CCDC146: variants seen among roughly 807,000 people sequenced by gnomAD.
CCDC146 encodes coiled-coil domain-containing protein 146.
CCDC146 carries 92 observed loss-of-function variants against 119.3 expected under a neutral mutation model. The ratio of observed to expected loss-of-function variants is 0.77; its 90% CI spans 0.65 to 0.92. The LOEUF is 0.92. Ranked by LOEUF, CCDC146 falls within the 40% of genes least tolerant of loss-of-function variation. CCDC146 has a pLI of 0.00. For missense variants in CCDC146, 1,000 were observed against 1,103.0 expected, an observed-to-expected ratio of 0.91 and a Z score of 1.32; for synonymous variants, 372 against 371.8, an observed-to-expected ratio of 1.00 and a Z score of -0.01.
chr7:77,256,423 C>G lies in CCDC146; in HGVS notation c.598C>G (p.Arg200Gly). The change falls in exon 6 of 19, where the codon CGA becomes GGA. Residue 200 changes from arginine (R) to glycine (G), a missense_variant. By Grantham distance (125) the Arg-to-Gly change is moderately radical (BLOSUM62 -2). Around this residue, in one of 2 missense-constraint regions of CCDC146, gnomAD observed 985 missense variants for 1,045.3 expected, o/e 0.94. Transcript: ENST00000285871. Reference sequence around the variant, plus strand: ...GAAGAAATTAGAAATTAAAAATTTACGAGAAGATTTGGCATCTAAACAAAA... The same window carrying G: ...GAAGAAATTAGAAATTAAAAATTTAGGAGAAGATTTGGCATCTAAACAAAA... ...MQKKLEIKNL[R>G]EDLASKQKQL... 6.2e-7 allele frequency: 1 copy of G among 1,607,090 alleles called. No individual in the cohort carries two copies. Among genetic ancestry groups the G allele is most frequent in the Admixed American group, 1.7e-5 (1 of 58,838 alleles).
intron 2 of CCDC146, among the ~76,000 whole-genome samples, chr7:77,181,511 G>A (rs55977048): frequency 0.082 from 12,436 of 152,210 alleles, 598 homozygotes; most frequent in African/African-American, 0.13. Context: ...ATGTTAAAGC[G>A]GTAACTATGC....
At chr7:77,292,580 G>C (rs1793968211) in intron 17 of CCDC146, among the ~76,000 whole-genome samples, 1 of 143,152 alleles carries the variant, frequency 7.0e-6, no homozygotes, top group Non-Finnish European at 1.5e-5. Flanking sequence ...TTGCGCTACT[G>C]CACTCCAGCC....
intron 2 of CCDC146, among the ~76,000 whole-genome samples, chr7:77,230,518 G>GTGTT (rs992774738): frequency 1.3e-5 from 2 of 151,872 alleles, no homozygotes; most frequent in African/African-American, 4.8e-5. Context: ...GTGTGTGTGT[G>GTGTT]TCTGTTTTTT....
chr7:77,171,453 C>T (rs1189120621), intron 2 of CCDC146, among the ~76,000 whole-genome samples: 1 of 152,166 alleles, frequency 6.6e-6, no homozygotes, highest in Non-Finnish European at 1.5e-5. Context: ...GGGATAATAC[C>T]CATATACCTT....
At position 77,254,581 on chromosome 7, in the gene CCDC146, T is replaced by A. The variant is rs372014999; in HGVS notation, c.507+18T>A. The A allele has an allele frequency of 7.4e-7, 1 of 1,347,014 alleles. No individual in the cohort carries two copies. The highest frequency in any genetic ancestry group is 2.3e-5 in the East Asian group (1 of 43,232). 83.4% of individuals were successfully genotyped at this position (1,347,014 alleles called of 1,614,324 possible). A position where few individuals can be genotyped will look rare whatever the true frequency, so the allele number is the denominator to read the frequency against. On this transcript the variant is annotated intron_variant, in intron 5 of 18. Coordinates refer to ENST00000285871, the MANE Select transcript of CCDC146 (RefSeq NM_020879.3). ...AGCCAGGAGTAAGTCTTAGATGATA[T>A]AGAGTTTCTTAAATACAGCTGGATT...
Position 77,262,187 on chromosome 7 carries a change from T to C in CCDC146, c.1053T>C (p.Ser351=), listed in dbSNP as rs1485978156. Reference sequence around the variant, plus strand: ...AGCAGAACTACCATGATGAACTTTCTCGTAAGCAAAGAGAGAAAGAACGAG... The same window carrying C: ...AGCAGAACTACCATGATGAACTTTCCCGTAAGCAAAGAGAGAAAGAACGAG... ...IDKQNYHDEL[S]RKQREKERDF... Residue 351 remains serine, a synonymous_variant, in exon 9 of 19, where the codon TCT becomes TCC. Transcript: ENST00000285871. The C allele has an allele frequency of 1.2e-6, 2 of 1,613,950 alleles. No individual in the cohort carries two copies. The highest frequency in any genetic ancestry group is 3.3e-5 in the Admixed American group (2 of 59,988).
At chr7:77,249,591 T>A (rs1793019901) in intron 4 of CCDC146, among the ~76,000 whole-genome samples, 1 of 98,678 alleles carries the variant, frequency 1.0e-5, no homozygotes, top group Admixed American at 9.8e-5. Flanking sequence ...TTTCTTGCTC[T>A]GAAGTTCGTT....
chr7:77,177,012 T>G (rs1483034573), intron 2 of CCDC146, among the ~76,000 whole-genome samples: 1 of 151,538 alleles, frequency 6.6e-6, no homozygotes, highest in African/African-American at 2.4e-5. Context: ...ATTTTTGTAT[T>G]TTATGTAGAG....
chr7:77,273,790 G>A lies in CCDC146; in HGVS notation c.1269+1G>A. 2 of 1,591,290 alleles carry A rather than the reference G, an allele frequency of 1.3e-6. No homozygotes were observed. Among genetic ancestry groups the A allele is most frequent in the South Asian group, 2.2e-5 (2 of 90,072 alleles). ...AGCTAAGAGGAATTTGGCCCAACAG[G>A]TTAATATCAATGCTCATTTAAGCTT... is the stretch of plus-strand genomic sequence containing the variant. On this transcript the variant is annotated splice_donor_variant, in intron 10 of 18. Coordinates refer to ENST00000285871, the MANE Select transcript of CCDC146 (RefSeq NM_020879.3). LOFTEE classifies it high-confidence loss of function.
At chr7:77,201,508 C>T (rs532189188) in intron 2 of CCDC146, among the ~76,000 whole-genome samples, 2 of 151,600 alleles carry the variant, frequency 1.3e-5, no homozygotes, top group East Asian at 1.9e-4. Flanking sequence ...GAGCCTAGAT[C>T]GTACCACTGC....
chr7:77,264,428 T>C (rs1022329488), intron 9 of CCDC146, among the ~76,000 whole-genome samples: 37 of 152,138 alleles, frequency 2.4e-4, no homozygotes, highest in Admixed American at 2.4e-3. Context: ...ACAGCTAATT[T>C]TTGTATTTTT....
intron 2 of CCDC146, among the ~76,000 whole-genome samples, chr7:77,231,840 A>G (rs1440510432): frequency 6.7e-6 from 1 of 149,032 alleles, no homozygotes; most frequent in Admixed American, 6.7e-5. Flanking sequence ...TTTCCTCTGC[A>G]GAAAGGAACT....
At position 77,206,889 on chromosome 7, in the gene CCDC146, T is replaced by G. The variant is rs576110642; in HGVS notation, c.157-30058T>G. Among the ~76,000 whole-genome samples, 215 of 152,136 alleles carry G rather than the reference T, an allele frequency of 1.4e-3. 2 individuals are homozygous for G. Among genetic ancestry groups the G allele is most frequent in the African/African-American group, 4.9e-3 (204 of 41,538 alleles). On this transcript the variant is annotated intron_variant, in intron 2 of 18. Transcript: ENST00000285871. ...TAGTGTTGCTTAAACAATTAAACTATTATGGTAAAGTGAAAATATTAAACT... is the reference window on the plus strand; with the variant it reads ...TAGTGTTGCTTAAACAATTAAACTAGTATGGTAAAGTGAAAATATTAAACT...
chr7:77,286,688 C>G, intron 15 of CCDC146, 110 bp from the exon 16 acceptor site: 1 of 984,456 alleles, frequency 1.0e-6, no homozygotes, highest in South Asian at 1.6e-5. Flanking sequence ...TCTCTTCTAC[C>G]CTTGTCTGGG....
intron 2 of CCDC146, among the ~76,000 whole-genome samples, chr7:77,200,641 T>C (rs1791970652): frequency 6.6e-6 from 1 of 152,226 alleles, no homozygotes; most frequent in Non-Finnish European, 1.5e-5. Flanking sequence ...GCCCTTTCTT[T>C]CTGCAGGTAG....
chr7:77,225,355 C>T (rs980766451), intron 2 of CCDC146, among the ~76,000 whole-genome samples: 1 of 151,638 alleles, frequency 6.6e-6, no homozygotes, highest in Non-Finnish European at 1.5e-5. Context: ...TCGAGACCAG[C>T]CTGGGCAACG....
At chr7:77,272,502 G>T (rs1793544353) in intron 9 of CCDC146, among the ~76,000 whole-genome samples, 1 of 152,074 alleles carries the variant, frequency 6.6e-6, no homozygotes, top group South Asian at 2.1e-4. Flanking sequence ...TCCTTTCTTG[G>T]GTCTAAATTT....
chr7:77,226,405 G>A (rs1288024969), intron 2 of CCDC146, among the ~76,000 whole-genome samples: 3 of 152,192 alleles, frequency 2.0e-5, no homozygotes, highest in African/African-American at 4.8e-5. Flanking sequence ...ACACACCCAC[G>A]CAAACACCTA....
intron 2 of CCDC146, among the ~76,000 whole-genome samples, chr7:77,229,621 T>C (rs184585364): frequency 1.3e-5 from 2 of 152,196 alleles, no homozygotes; most frequent in Non-Finnish European, 2.9e-5. Flanking sequence ...AAAGATCAGA[T>C]AGTTGTAGGT....
Sources: allele counts gnomAD v4.1 joint callset (sites outside exome capture counted in the v4.1 genomes callset), GRCh38; gene constraint gnomAD v4.1.1; regional missense constraint gnomAD v4.1.1; transcripts MANE v1.5; gene names NCBI Gene and HGNC (gene_info 2026-07-23, HGNC 2026-07-21).